FAM107B: variants seen among roughly 807,000 people sequenced by gnomAD.
The protein encoded by FAM107B is protein FAM107B.
A neutral mutation model predicts 31.5 loss-of-function variants in FAM107B; 21 were observed. That is an observed-to-expected ratio of 0.67 (90% CI 0.47 to 0.96). FAM107B has a LOEUF of 0.96. FAM107B is among the 40% of genes least tolerant of loss of function. The pLI, the probability that FAM107B is intolerant of heterozygous loss-of-function variation, is 0.00. For missense variants in FAM107B, 452 were observed against 377.1 expected (o/e 1.20, Z -1.64); for synonymous variants, 157 against 141.5 (o/e 1.11, Z -0.78).
chr10:14,623,551 C>T (rs748747056), intron 2 of FAM107B, among the ~76,000 whole-genome samples: 1 of 152,196 alleles, frequency 6.6e-6, no homozygotes, highest in African/African-American at 2.4e-5. Flanking sequence ...ACTGGGTCAG[C>T]GTGGTGGCTT....
intron 3 of FAM107B, among the ~76,000 whole-genome samples, chr10:14,529,089 G>A (rs1440560056): frequency 6.6e-6 from 1 of 152,178 alleles, no homozygotes; most frequent in Non-Finnish European, 1.5e-5. Context: ...CTACTAAACT[G>A]ACGAGCTTTC....
intron 2 of FAM107B, among the ~76,000 whole-genome samples, chr10:14,579,526 A>T (rs2131300125): frequency 6.6e-6 from 1 of 152,358 alleles, no homozygotes; most frequent in Admixed American, 6.5e-5. Context: ...TAACTGCCCT[A>T]AAATTGCAAC....
intron 1 of FAM107B, chr10:14,723,802 C>A: frequency 1.3e-6 from 1 of 757,940 alleles, no homozygotes; most frequent in Non-Finnish European, 2.4e-6. Flanking sequence ...CAGCAGGGCC[C>A]TCTGGCCAGT....
At chr10:14,685,734 C>T (rs1471948186) in intron 1 of FAM107B, among the ~76,000 whole-genome samples, 3 of 152,154 alleles carry the variant, frequency 2.0e-5, no homozygotes, top group Non-Finnish European at 4.4e-5. Flanking sequence ...GAGGTTACTT[C>T]TGAGTTTGGG....
At chr10:14,674,968 A>G (rs1304655163) in intron 1 of FAM107B, among the ~76,000 whole-genome samples, 2 of 152,180 alleles carry the variant, frequency 1.3e-5, no homozygotes, top group African/African-American at 4.8e-5. Flanking sequence ...CTGGGATTAC[A>G]GGCATGAGCC....
intron 2 of FAM107B, among the ~76,000 whole-genome samples, chr10:14,546,450 T>C (rs1848701912): frequency 6.6e-6 from 1 of 152,250 alleles, no homozygotes; most frequent in Non-Finnish European, 1.5e-5. Flanking sequence ...AAGACTAATA[T>C]GTTTCAACTG....
At chr10:14,635,083 C>T (rs1304669904) in intron 2 of FAM107B, among the ~76,000 whole-genome samples, 2 of 141,604 alleles carry the variant, frequency 1.4e-5, no homozygotes, top group Admixed American at 1.5e-4. Flanking sequence ...AGAGAGAGAA[C>T]CTATCTCCAA....
chr10:14,582,050 T>C (rs901130175), intron 2 of FAM107B, among the ~76,000 whole-genome samples: 3 of 152,340 alleles, frequency 2.0e-5, no homozygotes, highest in East Asian at 1.9e-4. Context: ...GACACATTCT[T>C]TGTGACAAAA....
chr10:14,756,660 C>T (rs1832936507), intron 1 of FAM107B, among the ~76,000 whole-genome samples: 4 of 152,146 alleles, frequency 2.6e-5, no homozygotes, highest in South Asian at 2.1e-4. Context: ...ATCCCATTAC[C>T]GGGTATACAC....
At position 14,563,098 on chromosome 10, in the gene FAM107B, G is replaced by A. The variant is rs117287249; in HGVS notation, c.470-32583C>T. 2.7e-3 allele frequency among the ~76,000 whole-genome samples: 414 copies of A among 152,260 alleles called. 2 individuals are homozygous for A. Among genetic ancestry groups the A allele is most frequent in the Middle Eastern group, 0.017 (5 of 294 alleles). ...CTTAAAACAGCCACAGAAAGGTTAC[G>A]ATAGTCTGTTAAACAAATAAAAACT... On this transcript the variant is annotated intron_variant, in intron 2 of 4. Coordinates refer to ENST00000181796, the MANE Select transcript of FAM107B (RefSeq NM_031453.4).
intron 2 of FAM107B, among the ~76,000 whole-genome samples, chr10:14,635,405 A>G (rs1403638574): frequency 6.6e-6 from 1 of 152,178 alleles, no homozygotes; most frequent in Non-Finnish European, 1.5e-5. Context: ...GATTTTAGCT[A>G]TTGTTCACTA....
chr10:14,680,877 C>T (rs532090797), intron 1 of FAM107B, among the ~76,000 whole-genome samples: 1 of 152,262 alleles, frequency 6.6e-6, no homozygotes, highest in South Asian at 2.1e-4. Flanking sequence ...CTTCTCTTTC[C>T]ATCCACAGTG....
chr10:14,529,032 G>C (rs986673946), intron 3 of FAM107B, among the ~76,000 whole-genome samples: 2 of 152,152 alleles, frequency 1.3e-5, no homozygotes, highest in African/African-American at 4.8e-5. Flanking sequence ...AAGAGGTGAA[G>C]ATAATCTGAA....
intron 1 of FAM107B, among the ~76,000 whole-genome samples, chr10:14,672,103 TA>T (rs1263889389): frequency 0.26 from 1,036 of 4,020 alleles, 15 homozygotes; most frequent in Middle Eastern, 0.33. Context: ...TTTATTTATT[TA>T]TTTTTTTTTT....
chr10:14,680,093 G>A (rs765822822), intron 1 of FAM107B, among the ~76,000 whole-genome samples: 3 of 152,136 alleles, frequency 2.0e-5, no homozygotes, highest in Non-Finnish European at 4.4e-5. Flanking sequence ...AGAGAACCCT[G>A]ACTAACACAG....
chr10:14,639,309 TCAAA>T (rs1217421790), intron 2 of FAM107B, among the ~76,000 whole-genome samples: 1 of 152,170 alleles, frequency 6.6e-6, no homozygotes, highest in African/African-American at 2.4e-5. Context: ...TCCTCTGAGC[TCAAA>T]CAAGACCAGC....
intron 2 of FAM107B, among the ~76,000 whole-genome samples, chr10:14,538,336 G>C (rs1847850964): frequency 6.6e-6 from 1 of 152,180 alleles, no homozygotes; most frequent in Non-Finnish European, 1.5e-5. Context: ...AGTAGGATGG[G>C]TAAGTAAACA....
intron 2 of FAM107B, among the ~76,000 whole-genome samples, chr10:14,540,916 T>C (rs1256230904): frequency 6.6e-6 from 1 of 152,184 alleles, no homozygotes. Flanking sequence ...GCCTACACTG[T>C]AGCAGAAGTC....
At chr10:14,523,433 C>A (rs747347409) in intron 3 of FAM107B, among the ~76,000 whole-genome samples, 1 of 152,254 alleles carries the variant, frequency 6.6e-6, no homozygotes. Flanking sequence ...TGTGGTGGAA[C>A]AGTAATTCAG....
Sources: gnomAD v4.1 joint callset for allele counts (sites outside exome capture counted in the v4.1 genomes callset) on GRCh38, gnomAD v4.1.1 for gene constraint, MANE v1.5 for transcripts, NCBI Gene and HGNC (gene_info 2026-07-23, HGNC 2026-07-21) for gene names.